The following MIR17HG variants were observed in gnomAD, a reference collection of about 807,000 sequenced individuals.
The protein encoded by MIR17HG is miR-17-92a-1 cluster host gene, also known as MIR17 host gene (non-protein coding).
intron 3 of MIR17HG, among the ~76,000 whole-genome samples, chr13:91,352,974 G>A (rs1875399109): frequency 6.6e-6 from 1 of 151,926 alleles, no homozygotes; most frequent in African/African-American, 2.4e-5. Flanking sequence ...GCCGGGTGCA[G>A]TGGCGTGCAC....
At chr13:91,348,359 C>G (rs1362877173) in intron 1 of MIR17HG, among the ~76,000 whole-genome samples, 1 of 150,734 alleles carries the variant, frequency 6.6e-6, no homozygotes, top group Non-Finnish European at 1.5e-5. Context: ...CGTGGGGTCT[C>G]TGGGTAGGAA....
intron 3 of MIR17HG, chr13:91,350,678 A>G (rs1202287938): frequency 1.9e-6 from 1 of 534,480 alleles, no homozygotes. Flanking sequence ...CACTTGTAGC[A>G]TTATGGTGAC....
chr13:91,349,033 G>T (rs934454611), intron 1 of MIR17HG, among the ~76,000 whole-genome samples: 3 of 151,452 alleles, frequency 2.0e-5, no homozygotes, highest in African/African-American at 4.8e-5. Flanking sequence ...GGGTTGGGGG[G>T]GTTGCCGCGT....
At chr13:91,350,712 G>A (rs1475379649) in intron 3 of MIR17HG, 2 of 533,754 alleles carry the variant, frequency 3.7e-6, no homozygotes, top group Non-Finnish European at 7.7e-6. Flanking sequence ...AGCCAAGTTG[G>A]GCTTTAAAGT....
At chr13:91,348,290 C>A (rs976684037) in intron 1 of MIR17HG, among the ~76,000 whole-genome samples, 1 of 150,456 alleles carries the variant, frequency 6.6e-6, no homozygotes, top group African/African-American at 2.4e-5. Context: ...CACAATGGCC[C>A]CTCGGGGAGA....
chr13:91,348,144 C>A (rs1230901919), intron 1 of MIR17HG, among the ~76,000 whole-genome samples: 2 of 112,398 alleles, frequency 1.8e-5, no homozygotes, highest in African/African-American at 7.0e-5. Context: ...TGCCCCCTCG[C>A]TCGCCCGCGG....
chr13:91,348,333 C>T lies in MIR17HG; in HGVS notation n.140+374C>T, dbSNP rs991157181. Among the ~76,000 whole-genome samples the T allele has an allele frequency of 2.7e-5, 4 of 149,536 alleles. No homozygotes were observed. The East Asian group carries it at 6.2e-4, about 23-fold the overall frequency. On this transcript the variant is annotated intron_variant and non_coding_transcript_variant, in intron 1 of 3. Transcript: ENST00000400282. The stretch of plus-strand genomic sequence containing the variant: ...CGAGGCCCGTGCCTTCTCCGGGGCC[C>T]GGGGCGCGCGCGGGGCGTGGGGTCT...
At chr13:91,350,486 T>C (rs1875246259) in intron 3 of MIR17HG, 2 of 474,172 alleles carry the variant, frequency 4.2e-6, no homozygotes, top group Non-Finnish European at 8.7e-6. Flanking sequence ...CCATTAGGGA[T>C]TATGCTGAAT....
At chr13:91,352,600 G>A (rs995943282) in intron 3 of MIR17HG, among the ~76,000 whole-genome samples, 1 of 152,084 alleles carries the variant, frequency 6.6e-6, no homozygotes. Flanking sequence ...AGAAATTTAA[G>A]GAACTTAGCC....
At chr13:91,349,285 C>G (rs926089358) in intron 1 of MIR17HG, among the ~76,000 whole-genome samples, 2 of 152,176 alleles carry the variant, frequency 1.3e-5, no homozygotes, top group East Asian at 3.9e-4. Context: ...GGCATGCCAT[C>G]AGGACCACAG....
intron 3 of MIR17HG, chr13:91,351,450 C>G: frequency 4.0e-6 from 2 of 496,598 alleles, no homozygotes; most frequent in Non-Finnish European, 4.3e-6. Context: ...TCGACTTCCA[C>G]TGTTAAATGT....
chr13:91,354,446 A>G (rs1299347742), exon 4 of MIR17HG: 1 of 152,208 alleles, frequency 6.6e-6, no homozygotes, highest in Non-Finnish European at 1.5e-5. Context: ...AGATGTGCCT[A>G]GTTCTGTATT....
chr13:91,353,111 A>C (rs1347177463), intron 3 of MIR17HG, among the ~76,000 whole-genome samples: 1 of 101,714 alleles, frequency 9.8e-6, no homozygotes, highest in Non-Finnish European at 2.1e-5. Context: ...CTTAAACGCA[A>C]AAAAAAAAAA....
chr13:91,353,109 CAAAAAAAAA>C lies in MIR17HG; in HGVS notation n.285-805_285-797del, dbSNP rs549062236. 1.2e-3 allele frequency among the ~76,000 whole-genome samples: 35 copies of C among 28,886 alleles called. 1 individual carries two copies. The highest frequency in any genetic ancestry group is 1.4e-3 in the Non-Finnish European group (21 of 15,348). The allele number at this position is 28,886 out of a possible 152,430, so 19.0% of individuals were successfully genotyped here. A position where few individuals can be genotyped will look rare whatever the true frequency, so the allele number is the denominator to read the frequency against. ...TGGGCGCAAGACCAAGACTTAAACG[CAAAAAAAAA>C]AAAAAAAAAAAAAAAAAAGTTTCAT... On this transcript the variant is annotated intron_variant and non_coding_transcript_variant, in intron 3 of 3. Coordinates refer to ENST00000400282, the Ensembl canonical transcript of MIR17HG.
intron 3 of MIR17HG, chr13:91,352,250 CAGTT>C (rs1352500975): frequency 6.6e-6 from 1 of 152,140 alleles, no homozygotes; most frequent in Admixed American, 6.5e-5. Flanking sequence ...TAAGAAGTGG[CAGTT>C]AGTGTTTTAC....
At chr13:91,353,026 C>G (rs1032228582) in intron 3 of MIR17HG, among the ~76,000 whole-genome samples, 1 of 150,334 alleles carries the variant, frequency 6.7e-6, no homozygotes, top group African/African-American at 2.5e-5. Context: ...AGGAGAATCA[C>G]CTGAACCTGG....
At chr13:91,354,098 G>C (rs1218247857) in exon 4 of MIR17HG, 8 of 152,318 alleles carry the variant, frequency 5.3e-5, no homozygotes, top group Non-Finnish European at 1.0e-4. Context: ...GTTTTGCATA[G>C]TTTGTCTAAC....
At chr13:91,353,971 C>T (rs1875450275) in exon 4 of MIR17HG, 1 of 152,666 alleles carries the variant, frequency 6.6e-6, no homozygotes, top group Non-Finnish European at 1.5e-5. Flanking sequence ...TGGGTTTTCT[C>T]CTGTAGTTTG....
At chr13:91,350,339 G>C (rs1426760138) in intron 3 of MIR17HG, 1 of 288,094 alleles carries the variant, frequency 3.5e-6, no homozygotes, top group Non-Finnish European at 6.9e-6. Context: ...GGAGAGGCCA[G>C]CCATTGGAAG....
Sources: gnomAD v4.1 joint callset for allele counts (sites outside exome capture counted in the v4.1 genomes callset) on GRCh38, gnomAD v4.1.1 for gene constraint, MANE v1.5 for transcripts, NCBI Gene and HGNC (gene_info 2026-07-23, HGNC 2026-07-21) for gene names.